The following CLU variants were observed in gnomAD, a reference collection of about 807,000 sequenced individuals.
CLU encodes the protein clusterin.
Under a neutral mutation model 46.4 loss-of-function variants are expected in CLU, and 25 were observed. The ratio of observed to expected loss-of-function variants is 0.54; its 90% CI spans 0.39 to 0.75. The LOEUF (loss-of-function observed/expected upper bound fraction) is 0.75. Among genes scored for constraint, CLU ranks in the 30% least tolerant of loss-of-function variants. The pLI is 0.00. For synonymous variants in CLU, 235 were observed against 235.1 expected, an observed-to-expected ratio of 1.00 and a Z score of 0.00; for missense variants, 504 against 592.1, an observed-to-expected ratio of 0.85 and a Z score of 1.54.
In CLU at chr8:27,597,241, G is replaced by C. The variant is rs1800615593; in HGVS notation, c.*1000C>G. 2 of 454,298 alleles carry C rather than the reference G, an allele frequency of 4.4e-6. No homozygotes were observed. The highest frequency in any genetic ancestry group is 8.8e-6 in the Non-Finnish European group (2 of 226,792). The allele number at this position is 454,298 out of a possible 1,614,324, so 28.1% of individuals were successfully genotyped here. A position where few individuals can be genotyped will look rare whatever the true frequency, so the allele number is the denominator to read the frequency against. On this transcript the variant is annotated 3_prime_UTR_variant, in exon 9 of 9. Coordinates refer to ENST00000316403, the MANE Select transcript of CLU (RefSeq NM_001831.4). ...AGTTTTGTTCCATTGCAGTACATCT[G>C]ATGACCAGAATTCTATCAGAGAATG...
rs1435226580 is a variant in CLU at position 27,597,889 on chromosome 8, C to CT, written c.*351dup. Reference sequence around the variant, plus strand: ...AGTCCCTATACCATCTTAGCCACTGCTTTTTTGTTTCTACTTATTTTCCAT... The same window carrying CT: ...AGTCCCTATACCATCTTAGCCACTGCTTTTTTTGTTTCTACTTATTTTCCAT... On this transcript the variant is annotated 3_prime_UTR_variant, in exon 9 of 9. Transcript: ENST00000316403. 76 of 527,212 alleles carry CT rather than the reference C, an allele frequency of 1.4e-4. No homozygotes were observed. The Middle Eastern group carries it at 5.4e-3, about 37-fold the overall frequency. 32.7% of individuals were successfully genotyped at this position (527,212 alleles called of 1,614,324 possible). A position where few individuals can be genotyped will look rare whatever the true frequency, so the allele number is the denominator to read the frequency against.
intron 6 of CLU, among the ~76,000 whole-genome samples, chr8:27,602,574 C>G (rs1311289301): frequency 6.7e-6 from 1 of 148,472 alleles, no homozygotes; most frequent in Non-Finnish European, 1.5e-5. Context: ...GCACTCCAGG[C>G]TGGGTGATAG....
In CLU at chr8:27,597,928, C is replaced by G; in HGVS notation, c.*313G>C. The G allele has an allele frequency of 1.7e-6, 1 of 605,932 alleles. No individual in the cohort carries two copies. The highest frequency in any genetic ancestry group is 3.1e-6 in the Non-Finnish European group (1 of 326,416). The allele number at this position is 605,932 out of a possible 1,614,324, so 37.5% of individuals were successfully genotyped here. ...CTTATTTTCCATCCCCCCTGCCTGC[C>G]CCCCATAGCAAAATGAAGGCATGCC... On this transcript the variant is annotated 3_prime_UTR_variant, in exon 9 of 9. Coordinates refer to ENST00000316403, the MANE Select transcript of CLU (RefSeq NM_001831.4).
intron 6 of CLU, 27 bp from the exon 7 acceptor site, chr8:27,600,036 T>C: frequency 1.3e-6 from 2 of 1,557,182 alleles, no homozygotes; most frequent in Non-Finnish European, 8.9e-7. Flanking sequence ...GAAACGCAAG[T>C]GAGAAGTGTG....
Position 27,605,345 on chromosome 8 carries a change from C to T in CLU, c.418-10G>A. 6.2e-7 allele frequency: 1 copy of T among 1,614,046 alleles called. No homozygotes were observed. The highest frequency in any genetic ancestry group is 8.5e-7 in the Non-Finnish European group (1 of 1,179,990). On this transcript the variant is annotated splice_polypyrimidine_tract_variant and intron_variant, in intron 4 of 8. Transcript: ENST00000316403. ...TCAGGAACTCCTCAAGCTGGGACAGCCAGCATGGGCACAGTTAGGAGAAGC... is the reference window on the plus strand; with the variant it reads ...TCAGGAACTCCTCAAGCTGGGACAGTCAGCATGGGCACAGTTAGGAGAAGC...
At chr8:27,610,163 C>A (rs1324553596) in intron 2 of CLU, among the ~76,000 whole-genome samples, 1 of 152,124 alleles carries the variant, frequency 6.6e-6, no homozygotes, top group African/African-American at 2.4e-5. Flanking sequence ...GGTCCAGACA[C>A]AGCTTCGTGG....
intron 5 of CLU, 120 bp downstream of exon 5, chr8:27,604,804 A>T: frequency 8.4e-7 from 1 of 1,186,402 alleles, no homozygotes; most frequent in Non-Finnish European, 1.2e-6. Context: ...TTAAATAAGG[A>T]TAATATCACC....
At chr8:27,609,288 C>T (rs1479428784) in intron 2 of CLU, among the ~76,000 whole-genome samples, 4 of 152,128 alleles carry the variant, frequency 2.6e-5, no homozygotes, top group African/African-American at 9.7e-5. Context: ...TGACTGCACC[C>T]TACTGCTTAG....
At chr8:27,610,984 C>CAAATA (rs1800916319) in intron 1 of CLU, 3 of 362,450 alleles carry the variant, frequency 8.3e-6, no homozygotes, top group African/African-American at 6.4e-5. Flanking sequence ...ACTGAAAATA[C>CAAATA]CCCCCTTAGG....
At chr8:27,606,833 A>G (rs895310003) in intron 3 of CLU, among the ~76,000 whole-genome samples, 1 of 152,058 alleles carries the variant, frequency 6.6e-6, no homozygotes, top group African/African-American at 2.4e-5. Flanking sequence ...CTCAATGACT[A>G]CCCTCTCACT....
Position 27,596,949 on chromosome 8 carries a change from A to G in CLU, c.*1292T>C. The G allele has an allele frequency of 2.2e-6, 1 of 453,130 alleles. No individual in the cohort carries two copies. Among genetic ancestry groups the G allele is most frequent in the Non-Finnish European group, 4.4e-6 (1 of 226,106 alleles). The allele number at this position is 453,130 out of a possible 1,614,324, so 28.1% of individuals were successfully genotyped here. On this transcript the variant is annotated 3_prime_UTR_variant, in exon 9 of 9. Coordinates refer to ENST00000316403, the MANE Select transcript of CLU (RefSeq NM_001831.4). ...TGAAACAGTGTGACATTAATGTGAC[A>G]ATGTGACATATACTTTACAATTATG... is the stretch of plus-strand genomic sequence containing the variant.
chr8:27,614,414 C>A (rs144338682), intron 1 of CLU: 1 of 295,918 alleles, frequency 3.4e-6, no homozygotes, highest in South Asian at 2.8e-5. Context: ...TTTACCCCCC[C>A]ACCACAGAAT....
rs184413408 is a variant in CLU at position 27,608,919 on chromosome 8, G to A, written c.246+19C>T. ...AGTGGGATGGTCAAGGCAGGGAGGC[G>A]GTAGCGGCTCCTCCTGACCTCTTTC... On this transcript the variant is annotated intron_variant, in intron 3 of 8. Coordinates refer to ENST00000316403, the MANE Select transcript of CLU (RefSeq NM_001831.4). 71 of 1,614,022 alleles carry A rather than the reference G, an allele frequency of 4.4e-5. No homozygotes were observed. Among genetic ancestry groups the A allele is most frequent in the South Asian group, 8.8e-5 (8 of 91,080 alleles).
chr8:27,606,222 A>G (rs1771189419), intron 4 of CLU, 132 bp downstream of exon 4: 1 of 985,898 alleles, frequency 1.0e-6, no homozygotes, highest in South Asian at 1.4e-5. Context: ...GACATTACCA[A>G]TGGAGCATGG....
intron 3 of CLU, 113 bp downstream of exon 3, chr8:27,608,824 GC>G: frequency 9.1e-7 from 1 of 1,098,650 alleles, no homozygotes; most frequent in Non-Finnish European, 1.4e-6. Flanking sequence ...AGCTGACACA[GC>G]CTGGGAGGAC....
intron 3 of CLU, among the ~76,000 whole-genome samples, chr8:27,608,074 GA>G (rs757294984): frequency 6.6e-6 from 1 of 152,140 alleles, no homozygotes; most frequent in African/African-American, 2.4e-5. Flanking sequence ...AGAATGGTGA[GA>G]ACTGATACTA....
At position 27,596,955 on chromosome 8, in the gene CLU, A is replaced by C. The variant is rs1800608416; in HGVS notation, c.*1286T>G. ...AGTGTGACATTAATGTGACAATGTG[A>C]CATATACTTTACAATTATGATCACT... On this transcript the variant is annotated 3_prime_UTR_variant, in exon 9 of 9. Transcript: ENST00000316403. 2.2e-6 allele frequency: 1 copy of C among 453,846 alleles called. No individual in the cohort carries two copies. Among genetic ancestry groups the C allele is most frequent in the Non-Finnish European group, 4.4e-6 (1 of 226,750 alleles). The allele number at this position is 453,846 out of a possible 1,614,324, so 28.1% of individuals were successfully genotyped here. A position where few individuals can be genotyped will look rare whatever the true frequency, so the allele number is the denominator to read the frequency against.
chr8:27,611,670 G>A (rs1305159964), intron 1 of CLU: 2 of 457,630 alleles, frequency 4.4e-6, no homozygotes, highest in Non-Finnish European at 4.4e-6. Flanking sequence ...TCCAAAGCCC[G>A]CTCAGCCCAG....
intron 7 of CLU, 94 bp from the exon 8 acceptor site, chr8:27,598,729 T>C: frequency 8.0e-7 from 1 of 1,250,684 alleles, no homozygotes; most frequent in Non-Finnish European, 1.2e-6. Context: ...AAGGAAGTCC[T>C]CCTGCTTCTC....
Sources: gnomAD v4.1 joint callset for allele counts (sites outside exome capture counted in the v4.1 genomes callset) on GRCh38, gnomAD v4.1.1 for gene constraint, MANE v1.5 for transcripts, NCBI Gene and HGNC (gene_info 2026-07-23, HGNC 2026-07-21) for gene names.